The following RTN1 variants were observed in gnomAD, a reference collection of about 807,000 sequenced individuals.
RTN1 encodes the protein reticulon-1.
In RTN1, 25 loss-of-function variants were observed where a neutral mutation model predicts 65.5. The ratio of observed to expected loss-of-function variants is 0.38; its 90% CI spans 0.28 to 0.53. The LOEUF (loss-of-function observed/expected upper bound fraction) is 0.53, where lower values mean the gene tolerates loss of function less well. Ranked by LOEUF, RTN1 falls within the 20% of genes least tolerant of loss-of-function variation. The pLI, the probability that RTN1 is intolerant of heterozygous loss-of-function variation, is 0.79. For missense variants in RTN1, 983 were observed against 1,025.4 expected, an observed-to-expected ratio of 0.96 and a Z score of 0.57; for synonymous variants, 471 against 447.6, an observed-to-expected ratio of 1.05 and a Z score of -0.66.
intron 8 of RTN1, among the ~76,000 whole-genome samples, chr14:59,597,884 G>A (rs1242972247): frequency 2.6e-5 from 4 of 152,136 alleles, no homozygotes; most frequent in Non-Finnish European, 4.4e-5. Flanking sequence ...GAGATGAGAA[G>A]CCCGTTTGCT....
intron 1 of RTN1, among the ~76,000 whole-genome samples, chr14:59,810,088 A>C (rs572931434): frequency 6.6e-6 from 1 of 152,154 alleles, no homozygotes; most frequent in East Asian, 1.9e-4. Flanking sequence ...GCAATTCCAT[A>C]TATCTTATGG....
chr14:59,772,529 C>T (rs1357544961), intron 1 of RTN1, among the ~76,000 whole-genome samples: 1 of 151,518 alleles, frequency 6.6e-6, no homozygotes, highest in African/African-American at 2.4e-5. Context: ...CCTCTTTCTC[C>T]CCAATATTAA....
At chr14:59,597,496 G>T (rs908793600) in intron 8 of RTN1, among the ~76,000 whole-genome samples, 1 of 152,184 alleles carries the variant, frequency 6.6e-6, no homozygotes, top group African/African-American at 2.4e-5. Context: ...TGAGCTTATC[G>T]TGCAGATTTT....
chr14:59,708,700 C>T (rs913219372), intron 3 of RTN1, among the ~76,000 whole-genome samples: 2 of 152,170 alleles, frequency 1.3e-5, no homozygotes, highest in African/African-American at 2.4e-5. Context: ...AAAGGAGCCA[C>T]GGAATGCTTA....
chr14:59,840,477 C>T (rs1399295741), intron 1 of RTN1, among the ~76,000 whole-genome samples: 1 of 152,112 alleles, frequency 6.6e-6, no homozygotes, highest in African/African-American at 2.4e-5. Context: ...GCCTCAATTT[C>T]CTCATCTGCA....
intron 1 of RTN1, among the ~76,000 whole-genome samples, chr14:59,791,689 T>C (rs1479516215): frequency 6.6e-6 from 1 of 152,198 alleles, no homozygotes; most frequent in Admixed American, 6.5e-5. Flanking sequence ...TACCACTTCC[T>C]GTAGGCCCTT....
At position 59,607,486 on chromosome 14, in the gene RTN1, T is replaced by C; in HGVS notation, c.1772A>G (p.Asp591Gly). 1 of 1,605,192 alleles carries C rather than the reference T, an allele frequency of 6.2e-7. No individual in the cohort carries two copies. The highest frequency in any genetic ancestry group is 1.7e-5 in the Admixed American group (1 of 58,958). Residue 591 changes from aspartate (D) to glycine (G), a missense_variant, in exon 4 of 9, where the codon GAC (aspartate) becomes GGC (glycine). Physicochemically the swap from Asp to Gly is moderately conservative, Grantham distance 94. Transcript: ENST00000267484. ...LLFLNKQKAI[D>G]LLYWRDIKQT... ...CTTGATGTCCCGCCAATACAACAGG[T>C]CAATAGCTGCAGGAGACACCAAACA...
At position 59,750,283 on chromosome 14, in the gene RTN1, TATATATAATATCTATAATATATA is replaced by T. The variant is rs1566713513; in HGVS notation, c.242-3825_242-3803del. Among the ~76,000 whole-genome samples, 12 of 32,796 alleles carry T rather than the reference TATATATAATATCTATAATATATA, an allele frequency of 3.7e-4. 1 individual carries two copies. Among genetic ancestry groups the T allele is most frequent in the East Asian group, 2.0e-3 (2 of 986 alleles). The allele number at this position is 32,796 out of a possible 152,430, so 21.5% of individuals were successfully genotyped here. A position where few individuals can be genotyped will look rare whatever the true frequency, so the allele number is the denominator to read the frequency against. ...TATATATAATATCTATAATATATAATATATATAATATCTATAATATATAATATATAATATCTATAATATATAAT... is the reference window on the plus strand; with the variant it reads ...TATATATAATATCTATAATATATAATATATATAATATCTATAATATATAAT... On this transcript the variant is annotated intron_variant, in intron 1 of 8. Coordinates refer to ENST00000267484, the MANE Select transcript of RTN1 (RefSeq NM_021136.3).
At chr14:59,853,087 A>T (rs985930998) in intron 1 of RTN1, among the ~76,000 whole-genome samples, 2 of 152,220 alleles carry the variant, frequency 1.3e-5, no homozygotes, top group Non-Finnish European at 2.9e-5. Context: ...TTGATTTCTA[A>T]GAGTTAGAAA....
chr14:59,634,520 T>C (rs1478059373), intron 3 of RTN1, among the ~76,000 whole-genome samples: 1 of 152,228 alleles, frequency 6.6e-6, no homozygotes, highest in Non-Finnish European at 1.5e-5. Flanking sequence ...TCATGTGGTA[T>C]ACATTTAGTT....
intron 1 of RTN1, among the ~76,000 whole-genome samples, chr14:59,754,746 C>T (rs1268230096): frequency 1.3e-5 from 2 of 152,028 alleles, no homozygotes; most frequent in East Asian, 1.9e-4. Context: ...ACCATCTGTT[C>T]GTTAGTTTCT....
intron 1 of RTN1, among the ~76,000 whole-genome samples, chr14:59,845,202 T>C (rs1887386209): frequency 6.6e-6 from 1 of 152,234 alleles, no homozygotes; most frequent in East Asian, 1.9e-4. Flanking sequence ...GGTTTCTCTA[T>C]ATCTGTTTAA....
chr14:59,678,004 G>A (rs989146537), intron 3 of RTN1, among the ~76,000 whole-genome samples: 4 of 152,156 alleles, frequency 2.6e-5, no homozygotes, highest in African/African-American at 9.7e-5. Flanking sequence ...GCATCTAAAT[G>A]CTATTCTAGG....
At chr14:59,604,129 A>G (rs906928088) in intron 5 of RTN1, 1 of 364,172 alleles carries the variant, frequency 2.7e-6, no homozygotes, top group Non-Finnish European at 5.2e-6. Context: ...ACTTTGTTAT[A>G]AGGTTTGAGG....
At chr14:59,693,025 G>C (rs1883992822) in intron 3 of RTN1, among the ~76,000 whole-genome samples, 1 of 152,060 alleles carries the variant, frequency 6.6e-6, no homozygotes, top group South Asian at 2.1e-4. Flanking sequence ...TTAGGAGGTG[G>C]GGCCTTTGGG....
intron 2 of RTN1, among the ~76,000 whole-genome samples, chr14:59,732,567 C>G (rs1182757243): frequency 6.6e-6 from 1 of 152,156 alleles, no homozygotes. Flanking sequence ...CCTGGAAAAC[C>G]ACGCTTCTTC....
chr14:59,603,705 T>C, intron 6 of RTN1, 147 bp downstream of exon 6: 1 of 508,208 alleles, frequency 2.0e-6, no homozygotes, highest in Non-Finnish European at 3.6e-6. Flanking sequence ...AATTGAACTA[T>C]GATGGTAAGA....
intron 3 of RTN1, among the ~76,000 whole-genome samples, chr14:59,625,919 A>AG (rs1194024316): frequency 6.6e-6 from 1 of 152,162 alleles, no homozygotes; most frequent in Non-Finnish European, 1.5e-5. Flanking sequence ...TCTTTCACTA[A>AG]GGGGGAAAAA....
rs140502510 is a variant in RTN1 at position 59,648,526 on chromosome 14, C to T, written c.1766-41034G>A. On this transcript the variant is annotated intron_variant, in intron 3 of 8. Coordinates refer to ENST00000267484, the MANE Select transcript of RTN1 (RefSeq NM_021136.3). ...CCCATATCCTTGATGAACACTGAGGCAAAAATCCTCAACAAAATACTTGGA... is the reference window on the plus strand; with the variant it reads ...CCCATATCCTTGATGAACACTGAGGTAAAAATCCTCAACAAAATACTTGGA... Among the ~76,000 whole-genome samples the T allele has an allele frequency of 1.4e-3, 217 of 152,220 alleles. 2 individuals carry two copies. The highest frequency in any genetic ancestry group is 7.1e-3 in the South Asian group (34 of 4,816).
Sources: gnomAD v4.1 joint callset for allele counts (sites outside exome capture counted in the v4.1 genomes callset) on GRCh38, gnomAD v4.1.1 for gene constraint, MANE v1.5 for transcripts, NCBI Gene and HGNC (gene_info 2026-07-23, HGNC 2026-07-21) for gene names.